MEGF11: variants seen among roughly 807,000 people sequenced by gnomAD.
MEGF11 encodes multiple EGF like domains 11.
MEGF11 carries 126 observed loss-of-function variants against 146.6 expected under a neutral mutation model. That is an observed-to-expected ratio of 0.86 (90% CI 0.74 to 1.00). The LOEUF is 1.00. Ranked by LOEUF, MEGF11 falls within the 50% of genes least tolerant of loss-of-function variation. The pLI, the probability that MEGF11 is intolerant of heterozygous loss-of-function variation, is 0.00. For missense variants in MEGF11, 1,509 were observed against 1,521.2 expected (o/e 0.99, Z 0.13); for synonymous variants, 532 against 583.4 (o/e 0.91, Z 1.27).
At chr15:65,943,454 G>C (rs1319922434) in intron 10 of MEGF11, among the ~76,000 whole-genome samples, 2 of 152,116 alleles carry the variant, frequency 1.3e-5, no homozygotes, top group Non-Finnish European at 2.9e-5. Flanking sequence ...GGCTGTTTTG[G>C]TGAGCTTGTG....
At chr15:66,002,095 C>T (rs912616846) in intron 5 of MEGF11, among the ~76,000 whole-genome samples, 3 of 152,126 alleles carry the variant, frequency 2.0e-5, no homozygotes, top group Middle Eastern at 3.4e-3. Context: ...CAGATCTTTT[C>T]GACTCAGTGT....
chr15:65,907,697 G>A (rs2078670344), intron 23 of MEGF11, among the ~76,000 whole-genome samples: 1 of 152,256 alleles, frequency 6.6e-6, no homozygotes, highest in South Asian at 2.1e-4. Context: ...CTTTATGCCA[G>A]ACAAGGGCTT....
At chr15:66,186,380 C>T (rs143819008) in intron 1 of MEGF11, among the ~76,000 whole-genome samples, 75 of 152,246 alleles carry the variant, frequency 4.9e-4, no homozygotes, top group African/African-American at 1.7e-3. Flanking sequence ...GGTGCCAGGA[C>T]CTCAAGCCTT....
intron 5 of MEGF11, among the ~76,000 whole-genome samples, chr15:66,041,148 G>A (rs2083958944): frequency 6.6e-6 from 1 of 152,206 alleles, no homozygotes; most frequent in Non-Finnish European, 1.5e-5. Context: ...TGGTAAATAA[G>A]AAGCTGACTT....
intron 4 of MEGF11, among the ~76,000 whole-genome samples, chr15:66,096,310 G>A (rs1023621450): frequency 6.6e-6 from 1 of 152,268 alleles, no homozygotes; most frequent in Admixed American, 6.5e-5. Flanking sequence ...AAATCAAGCA[G>A]TGACTTGCAA....
rs552177326 is a variant in MEGF11, at chr15:65,970,840, AGAGATGG to A, written c.763-158_763-152del. ...ACCAGGGCTCCAAAGCCCTCCTCTTAGAGATGGGAGATGGGAGACTGAGGCCAACTTG... is the reference window on the plus strand; with the variant it reads ...ACCAGGGCTCCAAAGCCCTCCTCTTAGAGATGGGAGACTGAGGCCAACTTG... On this transcript the variant is annotated intron_variant, in intron 7 of 25. Transcript: ENST00000395614. 5.3e-3 allele frequency: 4,384 copies of A among 828,932 alleles called. 18 individuals carry two copies. Among genetic ancestry groups the A allele is most frequent in the Non-Finnish European group, 6.6e-3 (3,579 of 541,408 alleles). 51.3% of individuals were successfully genotyped at this position (828,932 alleles called of 1,614,324 possible). A position where few individuals can be genotyped will look rare whatever the true frequency, so the allele number is the denominator to read the frequency against.
intron 5 of MEGF11, among the ~76,000 whole-genome samples, chr15:66,042,846 C>G (rs1166314626): frequency 6.6e-6 from 1 of 152,172 alleles, no homozygotes; most frequent in Non-Finnish European, 1.5e-5. Context: ...GCCCAGCCTC[C>G]TCCAGTATGA....
chr15:66,166,000 C>T lies in MEGF11; in HGVS notation c.-8-37589G>A, dbSNP rs188861701. The stretch of plus-strand genomic sequence containing the variant: ...AAGTCACAAAGCCCCTCCAGCTATA[C>T]ACATATCCCCCACTCCCTGGGTGAT... On this transcript the variant is annotated intron_variant, in intron 1 of 25. Transcript: ENST00000395614. Among the ~76,000 whole-genome samples the T allele has an allele frequency of 2.3e-3, 355 of 152,298 alleles. No individual in the cohort carries two copies. In the Middle Eastern group the frequency reaches 0.044, roughly 19 times the overall value.
intron 10 of MEGF11, among the ~76,000 whole-genome samples, chr15:65,954,265 AG>A (rs894296315): frequency 3.3e-5 from 5 of 152,150 alleles, no homozygotes; most frequent in African/African-American, 1.2e-4. Flanking sequence ...CAACCAACAA[AG>A]GCATTGCTAA....
intron 5 of MEGF11, among the ~76,000 whole-genome samples, chr15:65,987,282 C>A (rs539544872): frequency 6.6e-6 from 1 of 152,184 alleles, no homozygotes; most frequent in African/African-American, 2.4e-5. Flanking sequence ...CAGATGGACA[C>A]GGTATGCTGG....
chr15:66,207,247 A>T (rs1334313837), intron 1 of MEGF11, among the ~76,000 whole-genome samples: 2 of 152,234 alleles, frequency 1.3e-5, no homozygotes, highest in African/African-American at 2.4e-5. Context: ...CCACACCTAG[A>T]CACATCATAA....
chr15:66,096,847 A>G (rs1350688608), intron 4 of MEGF11, among the ~76,000 whole-genome samples: 1 of 152,140 alleles, frequency 6.6e-6, no homozygotes, highest in South Asian at 2.1e-4. Context: ...TGCTCTGAGC[A>G]AGCTCCACAC....
chr15:66,185,189 G>C (rs574865908), intron 1 of MEGF11, among the ~76,000 whole-genome samples: 1 of 151,974 alleles, frequency 6.6e-6, no homozygotes, highest in South Asian at 2.1e-4. Flanking sequence ...ATGTGGGGAC[G>C]GCAGCTCATT....
intron 1 of MEGF11, among the ~76,000 whole-genome samples, chr15:66,240,013 G>A (rs546531005): frequency 4.6e-5 from 7 of 152,282 alleles, no homozygotes; most frequent in African/African-American, 1.2e-4. Context: ...CTTTTCTCCC[G>A]AAGTGGCGGC....
intron 5 of MEGF11, among the ~76,000 whole-genome samples, chr15:66,001,581 C>G (rs2082368332): frequency 6.6e-6 from 1 of 152,096 alleles, no homozygotes. Flanking sequence ...CTCTCTGTCT[C>G]TATTTCCATC....
intron 14 of MEGF11, 61 bp from the exon 15 acceptor site, chr15:65,922,533 C>T (rs1355674151): frequency 6.7e-7 from 1 of 1,484,134 alleles, no homozygotes; most frequent in Non-Finnish European, 8.9e-7. Flanking sequence ...CCTAGCTACC[C>T]TTCCTGTTCC....
At chr15:66,091,601 G>T (rs2086326125) in intron 5 of MEGF11, among the ~76,000 whole-genome samples, 1 of 152,164 alleles carries the variant, frequency 6.6e-6, no homozygotes, top group Non-Finnish European at 1.5e-5. Flanking sequence ...GCTTCAACTT[G>T]CTCCTTTGTA....
chr15:65,897,938 G>C lies in MEGF11; in HGVS notation c.3419C>G (p.Ser1140Cys). 1 of 1,613,652 alleles carries C rather than the reference G, an allele frequency of 6.2e-7. No individual in the cohort carries two copies. The highest frequency in any genetic ancestry group is 8.5e-7 in the Non-Finnish European group (1 of 1,179,730). ...PANGPSQDKQ[S>C] is the part of the protein sequence containing the mutation. ...CAAGAGAGAAGCTTATCCCTCTTAAGATTGCTTGTCCTGGGACGGCCCATT... is the reference window on the plus strand; with the variant it reads ...CAAGAGAGAAGCTTATCCCTCTTAACATTGCTTGTCCTGGGACGGCCCATT... The change falls in exon 26 of 26, where the codon TCT becomes TGT. Residue 1140 changes from serine (S) to cysteine (C), a missense_variant. Coordinates refer to ENST00000395614, the MANE Select transcript of MEGF11 (RefSeq NM_001385028.1).
chr15:66,142,331 G>A (rs570740865), intron 1 of MEGF11, among the ~76,000 whole-genome samples: 1 of 152,210 alleles, frequency 6.6e-6, no homozygotes, highest in South Asian at 2.1e-4. Flanking sequence ...AGAAACAGCA[G>A]TAGCCGTGGC....
Sources: gnomAD v4.1 joint callset for allele counts (sites outside exome capture counted in the v4.1 genomes callset) on GRCh38, gnomAD v4.1.1 for gene constraint, MANE v1.5 for transcripts, NCBI Gene and HGNC (gene_info 2026-07-23, HGNC 2026-07-21) for gene names.